Variants in CAPN2 observed in about 807,000 individuals in gnomAD.
CAPN2 encodes the protein calpain-2 catalytic subunit.
In CAPN2, 92 loss-of-function variants were observed where a neutral mutation model predicts 102.3. That is an observed-to-expected ratio of 0.90 (90% CI 0.76 to 1.07). The LOEUF (loss-of-function observed/expected upper bound fraction) is 1.07. Ranked by LOEUF, CAPN2 falls within the 50% of genes least tolerant of loss-of-function variation. The pLI is 0.00. For synonymous variants in CAPN2, 340 were observed against 355.4 expected, an observed-to-expected ratio of 0.96 and a Z score of 0.49; for missense variants, 800 against 909.4, an observed-to-expected ratio of 0.88 and a Z score of 1.55.
Position 223,754,291 on chromosome 1 carries a change from T to C in CAPN2, c.1136-1189T>C, listed in dbSNP as rs761820128. Among the ~76,000 whole-genome samples the C allele has an allele frequency of 3.3e-5, 5 of 152,206 alleles. No homozygotes were observed. The highest frequency in any genetic ancestry group is 7.4e-5 in the Non-Finnish European group (5 of 68,024). ...GGCTCGGACTCCTTCACCTCAAGTA[T>C]GCAGCCACCAAGTGGCAGTCCCAGA... On this transcript the variant is annotated intron_variant, in intron 9 of 20. Transcript: ENST00000295006. This position sits in a 1 kb window ranked among gnomAD's most constrained non-coding sequence, Gnocchi z 4.7.
chr1:223,745,162 AGAG>A, intron 3 of CAPN2, 141 bp from the exon 4 acceptor site: 1 of 1,001,008 alleles, frequency 1.0e-6, no homozygotes. Flanking sequence ...CCTGCATAGG[AGAG>A]TTAAGGGAGC....
At chr1:223,751,241 T>G (rs6688042) in intron 7 of CAPN2, among the ~76,000 whole-genome samples, 1 of 151,998 alleles carries the variant, frequency 6.6e-6, no homozygotes, top group South Asian at 2.1e-4. Flanking sequence ...GTTCACCCCT[T>G]CCCTAGCTCA....
intron 2 of CAPN2, among the ~76,000 whole-genome samples, chr1:223,718,263 CAG>C (rs1659936036): frequency 6.6e-6 from 1 of 152,228 alleles, no homozygotes; most frequent in African/African-American, 2.4e-5. Flanking sequence ...GAAGGTGACT[CAG>C]TGTAAAGAAA....
chr1:223,717,254 T>C (rs1413463702), intron 1 of CAPN2, among the ~76,000 whole-genome samples: 4 of 151,444 alleles, frequency 2.6e-5, no homozygotes, highest in Non-Finnish European at 5.9e-5. Flanking sequence ...AAGGGATGAG[T>C]GAGGATTGGA....
At chr1:223,769,946 A>T in intron 17 of CAPN2, 37 bp downstream of exon 17, 1 of 1,484,584 alleles carries the variant, frequency 6.7e-7, no homozygotes, top group Non-Finnish European at 9.3e-7. Context: ...CTGTGTTGGG[A>T]AACATTCTGT....
chr1:223,773,905 G>A (rs1321568319), intron 20 of CAPN2, among the ~76,000 whole-genome samples: 14 of 151,858 alleles, frequency 9.2e-5, no homozygotes, highest in Admixed American at 2.6e-4. Flanking sequence ...ATGGTGGTGC[G>A]TGCCTGTAGA....
At chr1:223,728,312 C>T (rs774560758) in intron 2 of CAPN2, among the ~76,000 whole-genome samples, 11 of 152,088 alleles carry the variant, frequency 7.2e-5, no homozygotes, top group Non-Finnish European at 1.0e-4. Context: ...GTCTGGTGCC[C>T]GGGCTGAAGG....
At chr1:223,734,360 A>G (rs7517684) in intron 2 of CAPN2, among the ~76,000 whole-genome samples, 23,473 of 152,054 alleles carry the variant, frequency 0.15, 1,886 homozygotes, top group African/African-American at 0.2. Context: ...GTCACAGCTC[A>G]CTGCAAACTC....
At position 223,759,880 on chromosome 1, in the gene CAPN2, G is replaced by A. The variant is rs149886129; in HGVS notation, c.1529+399G>A. Among the ~76,000 whole-genome samples, 2 of 152,290 alleles carry A rather than the reference G, an allele frequency of 1.3e-5. No individual in the cohort carries two copies. The highest frequency in any genetic ancestry group is 4.8e-5 in the African/African-American group (2 of 41,562). ...ACCTGGCCTAGCAGAGCCACCAAGG[G>A]TGTAAGGTGGGAACCATCTCAACGG... On this transcript the variant is annotated intron_variant, in intron 12 of 20. Coordinates refer to ENST00000295006, the MANE Select transcript of CAPN2 (RefSeq NM_001748.5). The surrounding 1 kb of genome is among the most constrained non-coding windows in gnomAD (Gnocchi z 4.6).
Position 223,755,384 on chromosome 1 carries a change from C to G in CAPN2, c.1136-96C>G. On this transcript the variant is annotated intron_variant, in intron 9 of 20. Coordinates refer to ENST00000295006, the MANE Select transcript of CAPN2 (RefSeq NM_001748.5). The surrounding 1 kb of genome is among the most constrained non-coding windows in gnomAD (Gnocchi z 4.1). Reference sequence around the variant, plus strand: ...TCCCACCATCTCCCTTTATCTCCATCCCTCTCAGAAGCCTCCAAGCCTGAG... The same window carrying G: ...TCCCACCATCTCCCTTTATCTCCATGCCTCTCAGAAGCCTCCAAGCCTGAG... 8.3e-7 allele frequency: 1 copy of G among 1,209,396 alleles called. No homozygotes were observed. The highest frequency in any genetic ancestry group is 1.2e-6 in the Non-Finnish European group (1 of 843,074). The allele number at this position is 1,209,396 out of a possible 1,614,324, so 74.9% of individuals were successfully genotyped here. A position where few individuals can be genotyped will look rare whatever the true frequency, so the allele number is the denominator to read the frequency against.
At position 223,756,819 on chromosome 1, in the gene CAPN2, T is replaced by C. The variant is rs1334318938; in HGVS notation, c.1306-550T>C. 1.3e-5 allele frequency among the ~76,000 whole-genome samples: 2 copies of C among 152,238 alleles called. No individual in the cohort carries two copies. The highest frequency in any genetic ancestry group is 4.8e-5 in the African/African-American group (2 of 41,458). ...AAGGACAATGCAAATGGAATTGTGA[T>C]ACACAGCTTCCCTCCCACCGGCTTA... On this transcript the variant is annotated intron_variant, in intron 10 of 20. Transcript: ENST00000295006. The surrounding 1 kb of genome is among the most constrained non-coding windows in gnomAD (Gnocchi z 4.1).
At position 223,712,820 on chromosome 1, in the gene CAPN2, CAAG is replaced by C. The variant is rs1456576401; in HGVS notation, c.181_183del (p.Lys61del). ...CGGCCATCCCCTCGGCCCTGGGCTT[CAAG>C]GAGTTGGGGCCCTACTCCAGCAAAA... On this transcript the variant is annotated inframe_deletion, in exon 1 of 21. Coordinates refer to ENST00000295006, the MANE Select transcript of CAPN2 (RefSeq NM_001748.5). The C allele has an allele frequency of 1.3e-6, 2 of 1,573,684 alleles. No homozygotes were observed. The highest frequency in any genetic ancestry group is 1.7e-6 in the Non-Finnish European group (2 of 1,162,730).
intron 18 of CAPN2, chr1:223,771,438 G>C (rs185738620): frequency 1.2e-3 from 217 of 177,706 alleles, no homozygotes; most frequent in African/African-American, 5.0e-3. Flanking sequence ...AGTTTACCAG[G>C]AAAGCTTCTG....
At chr1:223,708,724 T>C (rs534083883), upstream of CAPN2, among the ~76,000 whole-genome samples, 6 of 149,050 alleles carry the variant, frequency 4.0e-5, no homozygotes, top group Middle Eastern at 6.4e-3. Flanking sequence ...TGAGTGGAGA[T>C]TGCACCACTG....
intron 2 of CAPN2, among the ~76,000 whole-genome samples, chr1:223,737,830 G>A (rs1334553878): frequency 6.6e-6 from 1 of 151,666 alleles, no homozygotes; most frequent in Non-Finnish European, 1.5e-5. Flanking sequence ...AAAAAAAAAG[G>A]CATGCATGCT....
chr1:223,763,428 C>T (rs973809602), intron 14 of CAPN2, among the ~76,000 whole-genome samples: 1 of 152,180 alleles, frequency 6.6e-6, no homozygotes, highest in Non-Finnish European at 1.5e-5. Context: ...CACACATACA[C>T]ACCCCAAAAG....
chr1:223,759,149 C>CATA lies in CAPN2; in HGVS notation c.1318-120_1318-119insTAA, dbSNP rs1397895050. The CATA allele has an allele frequency of 2.2e-6, 2 of 923,674 alleles. No individual in the cohort carries two copies. Among genetic ancestry groups the CATA allele is most frequent in the African/African-American group, 3.3e-5 (2 of 61,076 alleles). 57.2% of individuals were successfully genotyped at this position (923,674 alleles called of 1,614,324 possible). ...TGACGCCTGGCCTCGCCTCCTTATA[C>CATA]ACCAGGACAGCAGGACTGAGCCACC... On this transcript the variant is annotated intron_variant, in intron 11 of 20. Coordinates refer to ENST00000295006, the MANE Select transcript of CAPN2 (RefSeq NM_001748.5). The surrounding 1 kb of genome is among the most constrained non-coding windows in gnomAD (Gnocchi z 4.6).
At position 223,712,897 on chromosome 1, in the gene CAPN2, A is replaced by T. The variant is rs1558057961; in HGVS notation, c.237+20A>T. ...CCCACGGTAGGAAGCGCGCGGCAGGACGCGGGCAGGGCGGGGTGCCGGGCA... is the reference window on the plus strand; with the variant it reads ...CCCACGGTAGGAAGCGCGCGGCAGGTCGCGGGCAGGGCGGGGTGCCGGGCA... On this transcript the variant is annotated intron_variant, in intron 1 of 20. Coordinates refer to ENST00000295006, the MANE Select transcript of CAPN2 (RefSeq NM_001748.5). 6.7e-7 allele frequency: 1 copy of T among 1,493,598 alleles called. No homozygotes were observed. The allele number at this position is 1,493,598 out of a possible 1,614,324, so 92.5% of individuals were successfully genotyped here.
At position 223,771,906 on chromosome 1, in the gene CAPN2, T is replaced by G; in HGVS notation, c.2001T>G (p.Val667=). The change falls in exon 19 of 21, where the codon GTT becomes GTG. Residue 667 remains valine, a synonymous_variant. Coordinates refer to ENST00000295006, the MANE Select transcript of CAPN2 (RefSeq NM_001748.5). Reference sequence around the variant, plus strand: ...TTGATAATTTTGTTCGGTGTTTGGTTCGGCTGGAAACGCTATTCAGTAAGT... The same window carrying G: ...TTGATAATTTTGTTCGGTGTTTGGTGCGGCTGGAAACGCTATTCAGTAAGT... ...IDFDNFVRCL[V]RLETLFKIFK... is the part of the protein sequence containing the mutation. 6.2e-7 allele frequency: 1 copy of G among 1,613,112 alleles called. No individual in the cohort carries two copies. Among genetic ancestry groups the G allele is most frequent in the Non-Finnish European group, 8.5e-7 (1 of 1,178,990 alleles).
Sources: gnomAD v4.1 joint callset for allele counts (sites outside exome capture counted in the v4.1 genomes callset) on GRCh38, gnomAD v4.1.1 for gene constraint, Gnocchi (gnomAD v3.1) non-coding constraint, MANE v1.5 for transcripts, NCBI Gene and HGNC (gene_info 2026-07-23, HGNC 2026-07-21) for gene names.